The following GGA2 variants were observed in gnomAD, a reference collection of about 807,000 sequenced individuals.
The protein encoded by GGA2 is golgi associated, gamma adaptin ear containing, ARF binding protein 2, also known as ADP-ribosylation factor-binding protein GGA2.
A neutral mutation model predicts 79.5 loss-of-function variants in GGA2; 48 were observed. The observed-to-expected ratio is 0.60, with a 90% CI of 0.48 to 0.77. The LOEUF (loss-of-function observed/expected upper bound fraction) is 0.77, where lower values mean the gene tolerates loss of function less well. Ranked by LOEUF, GGA2 falls within the 30% of genes least tolerant of loss-of-function variation. The pLI is 0.00. For missense variants in GGA2, 770 were observed against 774.0 expected (o/e 0.99, Z 0.06); for synonymous variants, 317 against 302.0 (o/e 1.05, Z -0.51).
chr16:23,467,811 A>C, intron 16 of GGA2, 111 bp from the exon 17 acceptor site: 1 of 695,432 alleles, frequency 1.4e-6, no homozygotes, highest in Non-Finnish European at 2.7e-6. Flanking sequence ...AATACCTGGG[A>C]TACTCTCTTT....
chr16:23,480,232 C>G (rs763160780), intron 10 of GGA2: 1 of 331,024 alleles, frequency 3.0e-6, no homozygotes, highest in Non-Finnish European at 5.7e-6. Flanking sequence ...AGACGCACAC[C>G]TCCAGGCCCA....
chr16:23,519,807 C>A (rs1044392433), intron 1 of GGA2, among the ~76,000 whole-genome samples: 1 of 152,148 alleles, frequency 6.6e-6, no homozygotes, highest in African/African-American at 2.4e-5. Context: ...CTGTGAGAGT[C>A]CTAATTCTTC....
intron 13 of GGA2, among the ~76,000 whole-genome samples, chr16:23,477,940 T>C (rs981214745): frequency 1.3e-5 from 2 of 152,002 alleles, no homozygotes; most frequent in East Asian, 1.9e-4. Flanking sequence ...AAACTTTCAA[T>C]AGAAAGATGT....
At chr16:23,504,294 C>T (rs765838873) in intron 1 of GGA2, among the ~76,000 whole-genome samples, 41 of 152,194 alleles carry the variant, frequency 2.7e-4, no homozygotes, top group Non-Finnish European at 4.6e-4. Flanking sequence ...GTGAGGTCTT[C>T]AGTTCCTTGA....
At chr16:23,501,960 A>T (rs1195492280) in intron 1 of GGA2, among the ~76,000 whole-genome samples, 1 of 152,166 alleles carries the variant, frequency 6.6e-6, no homozygotes, top group Admixed American at 6.5e-5. Flanking sequence ...GACACAGCAC[A>T]TCCCTGCTCA....
intron 8 of GGA2, among the ~76,000 whole-genome samples, chr16:23,484,232 A>C (rs1964684446): frequency 1.3e-5 from 2 of 150,876 alleles, no homozygotes; most frequent in Non-Finnish European, 1.5e-5. Flanking sequence ...ACATAGAGAA[A>C]CCCTGTCTCT....
At chr16:23,495,429 A>G in intron 2 of GGA2, 1 of 278,282 alleles carries the variant, frequency 3.6e-6, no homozygotes, top group East Asian at 6.1e-5. Context: ...TCAGGATTAT[A>G]GGGGAAAATG....
intron 1 of GGA2, among the ~76,000 whole-genome samples, chr16:23,503,181 G>C (rs980400912): frequency 1.3e-5 from 2 of 152,118 alleles, no homozygotes; most frequent in African/African-American, 4.8e-5. Context: ...ACAGTGGTTT[G>C]GAATATCCCA....
At position 23,491,600 on chromosome 16, in the gene GGA2, A is replaced by C; in HGVS notation, c.475+77T>G. The C allele has an allele frequency of 2.1e-6, 3 of 1,420,232 alleles. No homozygotes were observed. In the South Asian group the frequency reaches 3.6e-5, roughly 17 times the overall value. 88.0% of individuals were successfully genotyped at this position (1,420,232 alleles called of 1,614,324 possible). On this transcript the variant is annotated intron_variant, in intron 5 of 16. Transcript: ENST00000309859. ...ATAAGAAGTACAGCTTTCAACAAAAAATTATAAGGCAGATGAAAAAGCAAG... is the reference window on the plus strand; with the variant it reads ...ATAAGAAGTACAGCTTTCAACAAAACATTATAAGGCAGATGAAAAAGCAAG...
At chr16:23,491,306 CAAAAAAAAAAA>C (rs35347154) in intron 5 of GGA2, among the ~76,000 whole-genome samples, 3 of 66,504 alleles carry the variant, frequency 4.5e-5, no homozygotes, top group Non-Finnish European at 7.9e-5. Flanking sequence ...CACCTTGTCT[CAAAAAAAAAAA>C]AAAAAAAAAA....
At chr16:23,506,082 T>C in intron 1 of GGA2, among the ~76,000 whole-genome samples, 1 of 152,134 alleles carries the variant, frequency 6.6e-6, no homozygotes, top group Non-Finnish European at 1.5e-5. Context: ...AGCCTTTGAT[T>C]CTCTCAACAA....
intron 9 of GGA2, among the ~76,000 whole-genome samples, chr16:23,481,259 G>A (rs1964644280): frequency 6.6e-6 from 1 of 152,168 alleles, no homozygotes; most frequent in Non-Finnish European, 1.5e-5. Flanking sequence ...TGTAATCCCA[G>A]CTATTCGGGA....
rs367831044 is a variant in GGA2, at chr16:23,483,002, G to A, written c.801C>T (p.Val267=). ...QAPPDQEALQ[V]VYERCEKLRP... is the part of the protein sequence containing the mutation. Reference sequence around the variant, plus strand: ...GCAGCTTTTCACACCTCTCATACACGACCTGAAAGAGCAGAGCTTGGTTCA... The same window carrying A: ...GCAGCTTTTCACACCTCTCATACACAACCTGAAAGAGCAGAGCTTGGTTCA... The change falls in exon 9 of 17, where the codon GTC becomes GTT. Residue 267 remains valine (V), a splice_region_variant and synonymous_variant. Coordinates refer to ENST00000309859, the MANE Select transcript of GGA2 (RefSeq NM_015044.4). The A allele has an allele frequency of 1.0e-5, 16 of 1,606,032 alleles. No homozygotes were observed. The highest frequency in any genetic ancestry group is 8.9e-5 in the East Asian group (4 of 44,846).
At chr16:23,493,853 AG>A (rs1392038085) in intron 3 of GGA2, 34 of 302,050 alleles carry the variant, frequency 1.1e-4, no homozygotes, top group African/African-American at 5.2e-4. Flanking sequence ...CTGAGCCTGC[AG>A]ACCCCTCCTC....
chr16:23,474,981 C>A lies in GGA2; in HGVS notation c.1373G>T (p.Gly458Val). The A allele has an allele frequency of 6.2e-7, 1 of 1,611,350 alleles. No homozygotes were observed. The highest frequency in any genetic ancestry group is 8.5e-7 in the Non-Finnish European group (1 of 1,177,582). Residue 458 changes from glycine (G) to valine (V), a missense_variant, in exon 14 of 17, where the codon GGC becomes GTC. By Grantham distance (109) the Gly-to-Val change is moderately radical. Transcript: ENST00000309859. The part of the protein sequence containing the change: ...KSSPGWSWEA[G>V]PLAPSPSSQN... ...TGAAGATGGGGAAGGAGCCAACGGG[C>A]CAGCCTCCCAGGACCAACCTGGAGA... is the stretch of plus-strand genomic sequence containing the variant.
intron 3 of GGA2, 53 bp from the exon 4 acceptor site, chr16:23,493,511 T>C: frequency 8.7e-7 from 1 of 1,147,498 alleles, no homozygotes; most frequent in Non-Finnish European, 1.3e-6. Flanking sequence ...GGTCCCAGGC[T>C]CCCCTCCAGG....
At chr16:23,514,841 C>T (rs1462506407), upstream of GGA2, among the ~76,000 whole-genome samples, 1 of 151,982 alleles carries the variant, frequency 6.6e-6, no homozygotes, top group Non-Finnish European at 1.5e-5. Flanking sequence ...CAATGGTTTT[C>T]AAACTAGCAT....
chr16:23,468,270 T>C (rs1964467128), intron 16 of GGA2, among the ~76,000 whole-genome samples: 1 of 151,924 alleles, frequency 6.6e-6, no homozygotes, highest in Non-Finnish European at 1.5e-5. Flanking sequence ...CTCCGCCTCT[T>C]GGGTTCAAGC....
At chr16:23,524,142 T>C, upstream of GGA2, 1 of 580,110 alleles carries the variant, frequency 1.7e-6, no homozygotes, top group Non-Finnish European at 3.1e-6. Flanking sequence ...ACCCGGAGAA[T>C]GCCTTTCCAG....
Sources: gnomAD v4.1 joint callset for allele counts (sites outside exome capture counted in the v4.1 genomes callset) on GRCh38, gnomAD v4.1.1 for gene constraint, MANE v1.5 for transcripts, NCBI Gene and HGNC (gene_info 2026-07-23, HGNC 2026-07-21) for gene names.